The following ZBTB40 variants were observed in gnomAD, a reference collection of about 807,000 sequenced individuals.
The protein encoded by ZBTB40 is zinc finger and BTB domain containing 40, also known as zinc finger and BTB domain-containing protein 40.
A neutral mutation model predicts 117.5 loss-of-function variants in ZBTB40; 60 were observed. The ratio of observed to expected loss-of-function variants is 0.51; its 90% confidence interval spans 0.41 to 0.63. The LOEUF (loss-of-function observed/expected upper bound fraction) is 0.63. Ranked by LOEUF, ZBTB40 falls within the 30% of genes least tolerant of loss-of-function variation. ZBTB40 has a pLI of 0.00. For synonymous variants in ZBTB40, 525 were observed against 577.1 expected (o/e 0.91, Z 1.29); for missense variants, 1,287 against 1,498.5 (o/e 0.86, Z 2.33).
chr1:22,447,033 G>T (rs1640797459), upstream of ZBTB40, among the ~76,000 whole-genome samples: 3 of 151,868 alleles, frequency 2.0e-5, no homozygotes, highest in African/African-American at 7.3e-5. Context: ...TGCCCAGGAG[G>T]TCGAGGCTGC....
intron 1 of ZBTB40, among the ~76,000 whole-genome samples, chr1:22,458,467 A>G (rs1264595598): frequency 6.6e-6 from 1 of 152,200 alleles, no homozygotes; most frequent in Non-Finnish European, 1.5e-5. Flanking sequence ...CAAGGCTTCA[A>G]GGCTGCTCCC....
chr1:22,474,052 G>C (rs1361308947), intron 1 of ZBTB40, among the ~76,000 whole-genome samples: 2 of 152,130 alleles, frequency 1.3e-5, no homozygotes, highest in Non-Finnish European at 2.9e-5. Context: ...TCACTAGACA[G>C]CCTCCCAAAT....
chr1:22,480,007 A>G (rs1232340228), intron 1 of ZBTB40, among the ~76,000 whole-genome samples: 2 of 152,038 alleles, frequency 1.3e-5, no homozygotes, highest in African/African-American at 4.8e-5. Context: ...CCTGGGTTCA[A>G]GCAATTCTCC....
chr1:22,432,093 C>G (rs1640599098), intron 1 of ZBTB40, among the ~76,000 whole-genome samples: 1 of 152,130 alleles, frequency 6.6e-6, no homozygotes, highest in African/African-American at 2.4e-5. Context: ...GAACATTACT[C>G]CCATTTTGCA....
Position 22,522,419 on chromosome 1 carries a change from C to G in ZBTB40, c.3254C>G (p.Pro1085Arg), listed in dbSNP as rs1639554452. The change falls in exon 16 of 18, where the codon CCC becomes CGC. Residue 1085 changes from proline to arginine, a missense_variant. By Grantham distance (103) the Pro-to-Arg change is moderately radical (BLOSUM62 -2). Around this residue, in one of 2 missense-constraint regions of ZBTB40, gnomAD observed 417 missense variants for 564.1 expected, o/e 0.74. Transcript: ENST00000375647. ...TGTGACCAGTGTAAGGAGCTCTTCCCCACGCCAGCCTTGCTGCAGGTTCAT... is the reference window on the plus strand; with the variant it reads ...TGTGACCAGTGTAAGGAGCTCTTCCGCACGCCAGCCTTGCTGCAGGTTCAT... ...HECDQCKELF[P>R]TPALLQVHVK... 1 of 1,614,200 alleles carries G rather than the reference C, an allele frequency of 6.2e-7. No homozygotes were observed. The highest frequency in any genetic ancestry group is 8.5e-7 in the Non-Finnish European group (1 of 1,180,044).
chr1:22,440,668 G>GT (rs35646906), intron 1 of ZBTB40, among the ~76,000 whole-genome samples: 28,293 of 147,118 alleles, frequency 0.19, 3,047 homozygotes, highest in Middle Eastern at 0.29. Context: ...CTTGTTGAGT[G>GT]TTTTTTTTTT....
At position 22,517,353 on chromosome 1, in the gene ZBTB40, C is replaced by T. The variant is rs777274545; in HGVS notation, c.2722C>T (p.Leu908=). The T allele has an allele frequency of 6.2e-6, 10 of 1,614,070 alleles. No individual in the cohort carries two copies. The South Asian group carries it at 8.8e-5, about 14-fold the overall frequency. ...CDAVFAQSIE[L]SRHVRTHTGD... ...TGCTGTGTTTGCCCAGTCTATTGAG[C>T]TGTCCCGCCACGTGAGGACCCACAC... Residue 908 remains leucine (L), a synonymous_variant, in exon 13 of 18, where the codon CTG becomes TTG. Transcript: ENST00000375647.
chr1:22,430,630 C>T (rs533662740), intron 1 of ZBTB40, among the ~76,000 whole-genome samples: 9 of 145,706 alleles, frequency 6.2e-5, no homozygotes, highest in African/African-American at 2.4e-4. Flanking sequence ...TGCCACCACA[C>T]CCGACTAATT....
rs1268365743 is a variant in ZBTB40 at position 22,467,756 on chromosome 1, T to C, written c.-70+15752T>C. ...TCCCGAAGTGCTGGGATTACAGACA[T>C]GAGCCACTGTGTCAGGCCTGTTTTT... On this transcript the variant is annotated intron_variant, in intron 1 of 17. Transcript: ENST00000375647. Among the ~76,000 whole-genome samples, 14 of 148,472 alleles carry C rather than the reference T, an allele frequency of 9.4e-5. No individual in the cohort carries two copies. The Admixed American group carries it at 9.5e-4, about 10-fold the overall frequency.
rs1211366715 is a variant in ZBTB40 at position 22,490,450 on chromosome 1, G to A, written c.502G>A (p.Gly168Arg). ...TTCCCCAGAGCTTGCTGCCACTCCA[G>A]GGGGCCCTGTGAAAGCTGAGACTGA... ...HSSPELAATP[G>R]GPVKAETEEA... is the part of the protein sequence containing the mutation. The change falls in exon 2 of 18, where the codon GGG (glycine) becomes AGG (arginine). Residue 168 changes from glycine (G) to arginine (R), a missense_variant. Coordinates refer to ENST00000375647, the MANE Select transcript of ZBTB40 (RefSeq NM_014870.4). 1 of 1,603,162 alleles carries A rather than the reference G, an allele frequency of 6.2e-7. No homozygotes were observed. The highest frequency in any genetic ancestry group is 2.2e-5 in the East Asian group (1 of 44,734).
At chr1:22,475,397 C>G (rs1021757984) in intron 1 of ZBTB40, among the ~76,000 whole-genome samples, 12 of 152,202 alleles carry the variant, frequency 7.9e-5, no homozygotes, top group Non-Finnish European at 1.2e-4. Context: ...CTGGCCATCC[C>G]AGTGTCCATA....
At chr1:22,478,455 G>A (rs12082886) in intron 1 of ZBTB40, among the ~76,000 whole-genome samples, 55,607 of 151,818 alleles carry the variant, frequency 0.37, 12,097 homozygotes, top group African/African-American at 0.57. Context: ...CACCGTGTTA[G>A]CCAGGATGGT....
In ZBTB40 at chr1:22,513,735, CAA is replaced by C. The variant is rs1456647002; in HGVS notation, c.2668+606_2668+607del. Among the ~76,000 whole-genome samples, 2 of 152,056 alleles carry C rather than the reference CAA, an allele frequency of 1.3e-5. No individual in the cohort carries two copies. Among genetic ancestry groups the C allele is most frequent in the African/African-American group, 4.8e-5 (2 of 41,408 alleles). On this transcript the variant is annotated intron_variant, in intron 12 of 17. Transcript: ENST00000375647. This position sits in a 1 kb window ranked among gnomAD's most constrained non-coding sequence, Gnocchi z 4.9. The stretch of plus-strand genomic sequence containing the variant: ...AATAATAATAAATAAAATTAAAAAA[CAA>C]TGCACAACCTCTAGGCAAACAGACG...
intron 10 of ZBTB40, 68 bp downstream of exon 10, chr1:22,511,415 C>A: frequency 6.3e-7 from 1 of 1,587,264 alleles, no homozygotes; most frequent in Non-Finnish European, 8.6e-7. Flanking sequence ...AAGAAAGAGA[C>A]AGCATTTCAT....
intron 1 of ZBTB40, among the ~76,000 whole-genome samples, chr1:22,478,043 C>T (rs975595435): frequency 3.3e-5 from 5 of 152,234 alleles, no homozygotes; most frequent in East Asian, 1.9e-4. Context: ...GTTATTTTGT[C>T]GTCCTTGACT....
chr1:22,474,997 T>C (rs1641522009), intron 1 of ZBTB40, among the ~76,000 whole-genome samples: 2 of 149,952 alleles, frequency 1.3e-5, no homozygotes, highest in South Asian at 2.1e-4. Context: ...CAAAAAGATG[T>C]CTCAGACCAC....
chr1:22,508,657 C>T lies in ZBTB40; in HGVS notation c.1625C>T (p.Thr542Ile). The T allele has an allele frequency of 6.2e-7, 1 of 1,614,182 alleles. No individual in the cohort carries two copies. Among genetic ancestry groups the T allele is most frequent in the South Asian group, 1.1e-5 (1 of 91,078 alleles). The change falls in exon 8 of 18, where the codon ACA (threonine) becomes ATA (isoleucine). Residue 542 changes from threonine to isoleucine, a missense_variant. Thr to Ile is a moderately conservative substitution (Grantham distance 89, BLOSUM62 -1). Around this residue, in one of 2 missense-constraint regions of ZBTB40, gnomAD observed 870 missense variants for 934.4 expected, o/e 0.93. Transcript: ENST00000375647. ...IWQLLLVVQE[T>I]KTCPLDLLME... ...CAACTGCTGCTGGTGGTTCAGGAGACAAAGACCTGTCCATTGGACCTGCTC... is the reference window on the plus strand; with the variant it reads ...CAACTGCTGCTGGTGGTTCAGGAGATAAAGACCTGTCCATTGGACCTGCTC...
chr1:22,490,228 A>T lies in ZBTB40; in HGVS notation c.280A>T (p.Ile94Phe). The T allele has an allele frequency of 6.2e-7, 1 of 1,614,138 alleles. No individual in the cohort carries two copies. Among genetic ancestry groups the T allele is most frequent in the Non-Finnish European group, 8.5e-7 (1 of 1,180,012 alleles). ...PVGKHNFSKI[I>F]SLADSLQMFD... ...GGGCAAGCACAACTTCTCCAAAATC[A>T]TCTCCTTAGCAGACAGTCTACAGAT... Residue 94 changes from isoleucine to phenylalanine, a missense_variant, in exon 2 of 18, where the codon ATC (isoleucine) becomes TTC (phenylalanine). Coordinates refer to ENST00000375647, the MANE Select transcript of ZBTB40 (RefSeq NM_014870.4).
intron 13 of ZBTB40, chr1:22,519,742 G>C (rs1639468955): frequency 2.6e-6 from 1 of 383,980 alleles, no homozygotes. Context: ...ACGAGCCAGG[G>C]TGAAACTCCC....
Sources: gnomAD v4.1 joint callset for allele counts (sites outside exome capture counted in the v4.1 genomes callset) on GRCh38, gnomAD v4.1.1 for gene constraint, gnomAD v4.1.1 regional missense constraint, Gnocchi (gnomAD v3.1) non-coding constraint, MANE v1.5 for transcripts, NCBI Gene and HGNC (gene_info 2026-07-23, HGNC 2026-07-21) for gene names.